The following MINDY4B variants were observed in gnomAD, a reference collection of about 807,000 sequenced individuals.
MINDY4B encodes the protein MINDY family member 4B, also known as inactive ubiquitin carboxyl-terminal hydrolase MINDY-4B.
In MINDY4B, 25 loss-of-function variants were observed where a neutral mutation model predicts 16.7. The ratio of observed to expected loss-of-function variants is 1.49; its 90% CI spans 1.09 to 2.09. The LOEUF is 2.09. Among genes scored for constraint, MINDY4B ranks in the 30% most tolerant of loss-of-function variants. MINDY4B has a pLI of 0.00. For missense variants in MINDY4B, 327 were observed against 168.4 expected (o/e 1.94, Z -5.21); for synonymous variants, 132 against 61.9 (o/e 2.13, Z -5.32).
At chr3:150,891,572 G>T (rs776014773) in intron 5 of MINDY4B, among the ~76,000 whole-genome samples, 1 of 151,978 alleles carries the variant, frequency 6.6e-6, no homozygotes, top group Admixed American at 6.6e-5. Context: ...GACCAGCTTG[G>T]CCAACATGGC....
intron 3 of MINDY4B, among the ~76,000 whole-genome samples, chr3:150,895,021 T>A (rs7619817): frequency 0.036 from 5,486 of 152,306 alleles, 317 homozygotes; most frequent in African/African-American, 0.12. Flanking sequence ...GAAGGCTTCA[T>A]GGAAGAACTG....
intron 5 of MINDY4B, among the ~76,000 whole-genome samples, chr3:150,893,111 G>C (rs1208218371): frequency 6.6e-6 from 1 of 152,140 alleles, no homozygotes; most frequent in African/African-American, 2.4e-5. Context: ...CATAAAACCT[G>C]TCAACATTAT....
intron 2 of MINDY4B, among the ~76,000 whole-genome samples, chr3:150,903,759 C>G (rs1028767591): frequency 6.6e-6 from 1 of 152,142 alleles, no homozygotes; most frequent in African/African-American, 2.4e-5. Context: ...AAACTTTGAA[C>G]GAATCTTTCC....
chr3:150,899,858 C>G (rs1712072941), intron 3 of MINDY4B, among the ~76,000 whole-genome samples: 1 of 152,210 alleles, frequency 6.6e-6, no homozygotes, highest in Non-Finnish European at 1.5e-5. Flanking sequence ...GGACACCCGG[C>G]TGTGCTTCCT....
chr3:150,871,504 C>A (rs138341520), intron 11 of MINDY4B, among the ~76,000 whole-genome samples: 1 of 151,714 alleles, frequency 6.6e-6, no homozygotes, highest in Admixed American at 6.6e-5. Context: ...CTTCCCGTAC[C>A]ATGATGTGAC....
intron 10 of MINDY4B, among the ~76,000 whole-genome samples, chr3:150,874,881 C>A (rs923606478): frequency 1.3e-5 from 2 of 152,174 alleles, no homozygotes; most frequent in Non-Finnish European, 2.9e-5. Context: ...ATGCTTTTGT[C>A]TGTAAGTGTT....
chr3:150,899,756 C>G (rs890328992), intron 3 of MINDY4B, among the ~76,000 whole-genome samples: 37 of 152,202 alleles, frequency 2.4e-4, no homozygotes, highest in African/African-American at 8.7e-4. Context: ...CACCCCTACT[C>G]TAGTCTGAGG....
chr3:150,871,918 G>C (rs906484121), intron 11 of MINDY4B, among the ~76,000 whole-genome samples: 6 of 152,192 alleles, frequency 3.9e-5, no homozygotes, highest in African/African-American at 7.2e-5. Context: ...GGAGGGCAAG[G>C]CTTTCTAGTG....
intron 3 of MINDY4B, among the ~76,000 whole-genome samples, chr3:150,900,231 CA>C (rs918837490): frequency 2.6e-5 from 4 of 152,128 alleles, no homozygotes; most frequent in African/African-American, 4.8e-5. Context: ...AAGAGGACAG[CA>C]AAAGGTGAGA....
intron 8 of MINDY4B, among the ~76,000 whole-genome samples, chr3:150,884,518 T>C (rs1170511587): frequency 6.6e-6 from 1 of 152,258 alleles, no homozygotes; most frequent in Admixed American, 6.5e-5. Context: ...GTTGTATTTA[T>C]TTTAATACGT....
chr3:150,891,595 A>C (rs1220541), intron 5 of MINDY4B, among the ~76,000 whole-genome samples: 118,479 of 151,556 alleles, frequency 0.78, 47,241 homozygotes, highest in African/African-American at 0.94. Flanking sequence ...AACCCCTTCT[A>C]TACTTAAAAT....
At chr3:150,886,472 CAG>C (rs1290559843) in intron 7 of MINDY4B, among the ~76,000 whole-genome samples, 1 of 152,132 alleles carries the variant, frequency 6.6e-6, no homozygotes, top group Non-Finnish European at 1.5e-5. Context: ...CTGATGCAAA[CAG>C]ATGCTTTTAT....
chr3:150,883,337 T>G (rs1314110230), intron 9 of MINDY4B, among the ~76,000 whole-genome samples: 1 of 152,174 alleles, frequency 6.6e-6, no homozygotes, highest in African/African-American at 2.4e-5. Context: ...TTTCCATGGT[T>G]GTGATTTAAG....
chr3:150,874,207 C>T (rs562567902), intron 10 of MINDY4B, among the ~76,000 whole-genome samples: 25 of 151,868 alleles, frequency 1.6e-4, no homozygotes, highest in Non-Finnish European at 2.6e-4. Flanking sequence ...GTAGAGACAG[C>T]GTCTTGCCAT....
chr3:150,887,522 T>A (rs145196065), intron 7 of MINDY4B, among the ~76,000 whole-genome samples: 1 of 152,236 alleles, frequency 6.6e-6, no homozygotes, highest in South Asian at 2.1e-4. Flanking sequence ...CTGCCTCTTA[T>A]GTCAGCTAAT....
At chr3:150,887,312 C>G (rs916773946) in intron 7 of MINDY4B, among the ~76,000 whole-genome samples, 2 of 152,124 alleles carry the variant, frequency 1.3e-5, no homozygotes, top group Non-Finnish European at 2.9e-5. Context: ...TCACACTGCT[C>G]AGAATAGCAT....
At chr3:150,887,846 C>CGCCTG (rs1711666455) in intron 7 of MINDY4B, among the ~76,000 whole-genome samples, 1 of 152,132 alleles carries the variant, frequency 6.6e-6, no homozygotes, top group Non-Finnish European at 1.5e-5. Context: ...CGGTGGCTCA[C>CGCCTG]GCCTGTAATC....
At chr3:150,884,656 T>C (rs1186642035) in intron 8 of MINDY4B, among the ~76,000 whole-genome samples, 2 of 152,130 alleles carry the variant, frequency 1.3e-5, no homozygotes, top group African/African-American at 4.8e-5. Context: ...GTGATGGCGG[T>C]ATATAAAAGA....
At chr3:150,882,564 GTATATATATATATATA>G (rs59302082) in intron 10 of MINDY4B, among the ~76,000 whole-genome samples, 1,878 of 148,076 alleles carry the variant, frequency 0.013, 41 homozygotes, top group African/African-American at 0.045. Context: ...GTGTATGTGT[GTATATATATATATATA>G]TATATATATA....
Sources: gnomAD v4.1 joint callset for allele counts (sites outside exome capture counted in the v4.1 genomes callset) on GRCh38, gnomAD v4.1.1 for gene constraint, MANE v1.5 for transcripts, NCBI Gene and HGNC (gene_info 2026-07-23, HGNC 2026-07-21) for gene names.